SRRM3: variants seen among roughly 807,000 people sequenced by gnomAD.
SRRM3 encodes the protein serine/arginine repetitive matrix protein 3.
A neutral mutation model predicts 66.2 loss-of-function variants in SRRM3; 27 were observed. The observed-to-expected ratio is 0.41, with a 90% CI of 0.30 to 0.56. SRRM3 has a LOEUF of 0.56. Ranked by LOEUF, SRRM3 falls within the 20% of genes least tolerant of loss-of-function variation. The probability of loss-of-function intolerance (pLI) is 0.32; values close to 1 mark genes in which losing one functional copy is unlikely to be tolerated. For missense variants in SRRM3, 918 were observed against 991.9 expected, an observed-to-expected ratio of 0.93 and a Z score of 1.00; for synonymous variants, 391 against 414.9, an observed-to-expected ratio of 0.94 and a Z score of 0.70.
chr7:76,275,497 CA>C (rs35985626), intron 11 of SRRM3, among the ~76,000 whole-genome samples: 11,040 of 70,902 alleles, frequency 0.16, 473 homozygotes, highest in East Asian at 0.39. Flanking sequence ...CCTGCTCCCT[CA>C]AAAAAAAAAA....
At chr7:76,276,817 C>T (rs1361939857) in intron 11 of SRRM3, among the ~76,000 whole-genome samples, 1 of 152,142 alleles carries the variant, frequency 6.6e-6, no homozygotes, top group Non-Finnish European at 1.5e-5. Context: ...CCATCCTCTG[C>T]CATCTTGGTA....
intron 10 of SRRM3, 111 bp downstream of exon 10, chr7:76,265,579 TG>T (rs1429104532): frequency 2.4e-6 from 2 of 836,626 alleles, no homozygotes; most frequent in Non-Finnish European, 3.5e-6. Flanking sequence ...AATTCATCGG[TG>T]GGTAGAAGTT....
In SRRM3 at chr7:76,276,420, G is replaced by A. The variant is rs541740011; in HGVS notation, c.1009-5021G>A. On this transcript the variant is annotated intron_variant, in intron 11 of 14. Transcript: ENST00000611745. Reference sequence around the variant, plus strand: ...TCCTGCTCACCACGGCAGCCCCCTGGCTAGCACGGCCTGGCAGAGTCCATA... The same window carrying A: ...TCCTGCTCACCACGGCAGCCCCCTGACTAGCACGGCCTGGCAGAGTCCATA... 1.0e-3 allele frequency among the ~76,000 whole-genome samples: 159 copies of A among 152,280 alleles called. 1 individual carries two copies. Among genetic ancestry groups the A allele is most frequent in the Middle Eastern group, 3.4e-3 (1 of 294 alleles).
At position 76,261,358 on chromosome 7, in the gene SRRM3, G is replaced by A. The variant is rs782084092; in HGVS notation, c.582G>A (p.Gly194=). Residue 194 remains glycine (G), a synonymous_variant, in exon 7 of 15, where the codon GGG becomes GGA. Coordinates refer to ENST00000611745, the MANE Select transcript of SRRM3 (RefSeq NM_001110199.3). ...CACCTCCCTGTGTCCACAGCTGTGG[G>A]AGCTCCTCACCCCTCCGCAAGAAGA... ...KRRLESECSC[G]SSSPLRKKKK... 8.2e-6 allele frequency: 13 copies of A among 1,587,994 alleles called. No individual in the cohort carries two copies. The African/African-American group carries it at 8.5e-5, about 10-fold the overall frequency.
rs566710606 is a variant in SRRM3, at chr7:76,251,293, A to G, written c.335+3004A>G. On this transcript the variant is annotated intron_variant, in intron 3 of 14. Transcript: ENST00000611745. ...GGGTAAAACTTCCCCTGCCTACTCC[A>G]CAGACATGATCAGGAGTAAACTAGT... 5.3e-5 allele frequency among the ~76,000 whole-genome samples: 8 copies of G among 152,210 alleles called. No homozygotes were observed. In the South Asian group the frequency reaches 1.7e-3, roughly 32 times the overall value.
chr7:76,267,108 C>T, intron 10 of SRRM3, 150 bp from the exon 11 acceptor site: 6 of 726,272 alleles, frequency 8.3e-6, no homozygotes, highest in Non-Finnish European at 1.2e-5. Flanking sequence ...CAAGCCCTCT[C>T]TAAGTGGAAA....
chr7:76,219,027 G>A (rs1183430415), intron 1 of SRRM3, among the ~76,000 whole-genome samples: 1 of 152,076 alleles, frequency 6.6e-6, no homozygotes, highest in African/African-American at 2.4e-5. Flanking sequence ...GCTAATTTTT[G>A]TATTTTTAGT....
chr7:76,220,438 G>C (rs1583875328), intron 1 of SRRM3, among the ~76,000 whole-genome samples: 1 of 152,180 alleles, frequency 6.6e-6, no homozygotes, highest in East Asian at 1.9e-4. Flanking sequence ...ATGTGGTGTG[G>C]AGCTGGACAG....
intron 1 of SRRM3, among the ~76,000 whole-genome samples, chr7:76,219,911 A>AAAACAAAC (rs376343762): frequency 2.0e-5 from 3 of 152,224 alleles, no homozygotes; most frequent in Admixed American, 6.5e-5. Context: ...TACTGTCTCA[A>AAAACAAAC]AAACAAACAA....
rs202102343 is a variant in SRRM3 at position 76,254,992 on chromosome 7, TCG to T, written c.336-4912_336-4911del. On this transcript the variant is annotated intron_variant, in intron 3 of 14. Coordinates refer to ENST00000611745, the MANE Select transcript of SRRM3 (RefSeq NM_001110199.3). The stretch of plus-strand genomic sequence containing the variant: ...TCTCCTCTGTCACCCCAGAAAAACC[TCG>T]CTACGTGCTGTGTGACATCAAGGCA... Among the ~76,000 whole-genome samples, 1,253 of 152,142 alleles carry T rather than the reference TCG, an allele frequency of 8.2e-3. 25 individuals are homozygous for T. The highest frequency in any genetic ancestry group is 0.028 in the African/African-American group (1,176 of 41,514).
In SRRM3 at chr7:76,260,170, A is replaced by G; in HGVS notation, c.518A>G (p.Lys173Arg). Reference protein sequence around the residue: ...SASPPPKKKKKKKGGHRRSRK... With the variant: ...SASPPPKKKKRKKGGHRRSRK... Reference sequence around the variant, plus strand: ...TCGCCCCCTCCCAAGAAAAAGAAGAAAAAGAAAGGCGGCCACCGGAGAAGC... The same window carrying G: ...TCGCCCCCTCCCAAGAAAAAGAAGAGAAAGAAAGGCGGCCACCGGAGAAGC... The change falls in exon 5 of 15, where the codon AAA becomes AGA. Residue 173 changes from lysine (K) to arginine (R), a missense_variant. Transcript: ENST00000611745. 6.5e-7 allele frequency: 1 copy of G among 1,539,518 alleles called. No homozygotes were observed. Among genetic ancestry groups the G allele is most frequent in the Non-Finnish European group, 8.7e-7 (1 of 1,143,652 alleles).
chr7:76,266,271 T>A (rs1439793641), intron 10 of SRRM3, among the ~76,000 whole-genome samples: 1 of 120,282 alleles, frequency 8.3e-6, no homozygotes, highest in African/African-American at 3.4e-5. Context: ...TATTTATATT[T>A]AATTATATTA....
chr7:76,239,991 C>T (rs1311379937), intron 2 of SRRM3, among the ~76,000 whole-genome samples: 1 of 151,676 alleles, frequency 6.6e-6, no homozygotes, highest in Non-Finnish European at 1.5e-5. Context: ...TGATGAAACC[C>T]CATCTCTACT....
intron 3 of SRRM3, among the ~76,000 whole-genome samples, chr7:76,254,551 C>T (rs1801658100): frequency 6.6e-6 from 1 of 152,194 alleles, no homozygotes; most frequent in Non-Finnish European, 1.5e-5. Context: ...CTCCTCACTT[C>T]AAATGATCCA....
At position 76,283,059 on chromosome 7, in the gene SRRM3, G is replaced by A; in HGVS notation, c.1691G>A (p.Arg564His). 2 of 1,482,798 alleles carry A rather than the reference G, an allele frequency of 1.3e-6. No homozygotes were observed. The highest frequency in any genetic ancestry group is 2.7e-5 in the East Asian group (1 of 37,642). The allele number at this position is 1,482,798 out of a possible 1,614,324, so 91.9% of individuals were successfully genotyped here. A position where few individuals can be genotyped will look rare whatever the true frequency, so the allele number is the denominator to read the frequency against. The change falls in exon 14 of 15, where the codon CGC (arginine) becomes CAC (histidine). Residue 564 changes from arginine (R) to histidine (H), a missense_variant. Arg to His is a conservative substitution (Grantham distance 29, BLOSUM62 0). Coordinates refer to ENST00000611745, the MANE Select transcript of SRRM3 (RefSeq NM_001110199.3). ...SRSYSPIRKR[R>H]RDSPSFMEPR... Reference sequence around the variant, plus strand: ...AGCTACTCGCCCATCCGCAAGCGGCGCCGGGACTCGCCAAGCTTCATGGAG... The same window carrying A: ...AGCTACTCGCCCATCCGCAAGCGGCACCGGGACTCGCCAAGCTTCATGGAG...
intron 3 of SRRM3, among the ~76,000 whole-genome samples, chr7:76,258,693 G>T: frequency 8.7e-6 from 1 of 114,514 alleles, no homozygotes. Flanking sequence ...CAGCCTAGTC[G>T]ACAGAGTGAG....
At chr7:76,266,819 T>C (rs1437058666) in intron 10 of SRRM3, among the ~76,000 whole-genome samples, 1 of 150,714 alleles carries the variant, frequency 6.6e-6, no homozygotes, top group Non-Finnish European at 1.5e-5. Flanking sequence ...ATTACAGGCG[T>C]GCACCACCAT....
intron 3 of SRRM3, 46 bp downstream of exon 3, chr7:76,248,335 C>A (rs781878130): frequency 1.2e-5 from 18 of 1,478,644 alleles, no homozygotes; most frequent in Non-Finnish European, 1.6e-5. Context: ...GGTGCAGGCT[C>A]AGGCAGCAGC....
intron 11 of SRRM3, among the ~76,000 whole-genome samples, chr7:76,277,114 T>C (rs1563640368): frequency 6.6e-6 from 1 of 152,006 alleles, no homozygotes; most frequent in Non-Finnish European, 1.5e-5. Flanking sequence ...TTGGAGGAGA[T>C]GAGAAGGAAG....
Sources: allele counts gnomAD v4.1 joint callset (sites outside exome capture counted in the v4.1 genomes callset), GRCh38; gene constraint gnomAD v4.1.1; transcripts MANE v1.5; gene names NCBI Gene and HGNC (gene_info 2026-07-23, HGNC 2026-07-21).